The following ADGRL3 variants were observed in gnomAD, a reference collection of about 807,000 sequenced individuals.
The protein encoded by ADGRL3 is adhesion G protein-coupled receptor L3.
ADGRL3 carries 62 observed loss-of-function variants against 153.5 expected under a neutral mutation model. That is an observed-to-expected ratio of 0.40 (90% CI 0.33 to 0.50). The LOEUF (loss-of-function observed/expected upper bound fraction) is 0.50, where lower values mean the gene tolerates loss of function less well. Ranked by LOEUF, ADGRL3 falls within the 20% of genes least tolerant of loss-of-function variation. The pLI is 0.47. For synonymous variants in ADGRL3, 710 were observed against 672.5 expected, an observed-to-expected ratio of 1.06 and a Z score of -0.86; for missense variants, 1,641 against 1,859.4, an observed-to-expected ratio of 0.88 and a Z score of 2.16.
chr4:61,929,499 T>C (rs1473618390), intron 13 of ADGRL3, among the ~76,000 whole-genome samples: 1 of 152,218 alleles, frequency 6.6e-6, no homozygotes, highest in Non-Finnish European at 1.5e-5. Context: ...TTTGCTCTTA[T>C]ACTCATCAAA....
At chr4:61,517,227 C>T in intron 3 of ADGRL3, 88 bp from the exon 4 acceptor site, 1 of 661,418 alleles carries the variant, frequency 1.5e-6, no homozygotes, top group East Asian at 2.7e-5. Flanking sequence ...CGGCAGAGAG[C>T]AGCCTTGGGA....
chr4:61,834,599 G>A (rs1354099298), intron 9 of ADGRL3, among the ~76,000 whole-genome samples: 1 of 152,104 alleles, frequency 6.6e-6, no homozygotes, highest in Non-Finnish European at 1.5e-5. Flanking sequence ...CTATGACGAT[G>A]GGAAAAGGCC....
At chr4:61,726,216 TGAGA>T (rs2096340321) in intron 6 of ADGRL3, among the ~76,000 whole-genome samples, 1 of 148,940 alleles carries the variant, frequency 6.7e-6, no homozygotes, top group South Asian at 2.2e-4. Flanking sequence ...TTTTGTTTTT[TGAGA>T]AGGAGTCTCA....
chr4:61,807,044 C>T (rs1272542464), intron 8 of ADGRL3, among the ~76,000 whole-genome samples: 2 of 152,028 alleles, frequency 1.3e-5, no homozygotes, highest in Non-Finnish European at 2.9e-5. Context: ...TACTGTGAGT[C>T]ACACACATAC....
intron 5 of ADGRL3, among the ~76,000 whole-genome samples, chr4:61,618,363 T>C (rs780685695): frequency 1.3e-5 from 2 of 152,226 alleles, no homozygotes; most frequent in Non-Finnish European, 2.9e-5. Context: ...AGATTGGGCA[T>C]AAAGTTACTG....
chr4:61,268,954 A>G lies in ADGRL3; in HGVS notation c.-240+67189A>G, dbSNP rs1168046715. On this transcript the variant is annotated intron_variant, in intron 1 of 26. Transcript: ENST00000683033. ...CCTTTATACTTAGAGCTTTAAGAAG[A>G]GAATGGTAAGTGATACTATATCCAC... Among the ~76,000 whole-genome samples the G allele has an allele frequency of 5.3e-5, 8 of 151,710 alleles. No individual in the cohort carries two copies. In the East Asian group the frequency reaches 1.5e-3, roughly 29 times the overall value.
At chr4:61,767,976 A>T (rs2097020479) in intron 8 of ADGRL3, among the ~76,000 whole-genome samples, 1 of 151,978 alleles carries the variant, frequency 6.6e-6, no homozygotes, top group African/African-American at 2.4e-5. Flanking sequence ...TAATGTCGGG[A>T]GCAGATTGGG....
chr4:61,240,996 A>G (rs986713530), intron 1 of ADGRL3, among the ~76,000 whole-genome samples: 1 of 152,012 alleles, frequency 6.6e-6, no homozygotes, highest in Admixed American at 6.6e-5. Context: ...GTTTAATCTT[A>G]TGCATTAGTT....
At chr4:61,491,883 G>A (rs911426059) in intron 2 of ADGRL3, among the ~76,000 whole-genome samples, 1 of 152,000 alleles carries the variant, frequency 6.6e-6, no homozygotes, top group Admixed American at 6.6e-5. Context: ...AAACCAAAAT[G>A]GTTTTAAATT....
chr4:61,744,597 G>A (rs1402673804), intron 8 of ADGRL3, among the ~76,000 whole-genome samples: 1 of 152,204 alleles, frequency 6.6e-6, no homozygotes, highest in East Asian at 1.9e-4. Context: ...TGGTACCCAG[G>A]CAAACAGGGT....
At chr4:61,240,494 A>G (rs761951829) in intron 1 of ADGRL3, among the ~76,000 whole-genome samples, 21 of 152,116 alleles carry the variant, frequency 1.4e-4, no homozygotes, top group Non-Finnish European at 2.5e-4. Context: ...AGAAAACTTT[A>G]TTTTTCTTTC....
At chr4:61,397,875 A>G (rs776809583) in intron 2 of ADGRL3, among the ~76,000 whole-genome samples, 7 of 151,930 alleles carry the variant, frequency 4.6e-5, no homozygotes, top group Non-Finnish European at 8.8e-5. Flanking sequence ...TGGAATGTAT[A>G]GCTGTTGAAA....
At chr4:61,465,731 T>C (rs1010321032) in intron 2 of ADGRL3, among the ~76,000 whole-genome samples, 11 of 131,824 alleles carry the variant, frequency 8.3e-5, no homozygotes, top group African/African-American at 2.4e-4. Flanking sequence ...ATACTTGGAC[T>C]GACTCTGGAT....
intron 2 of ADGRL3, among the ~76,000 whole-genome samples, chr4:61,470,630 G>A (rs2097938318): frequency 6.6e-6 from 1 of 151,800 alleles, no homozygotes; most frequent in Non-Finnish European, 1.5e-5. Flanking sequence ...TTAAAAGGTA[G>A]TATTCCTCTT....
At position 61,998,196 on chromosome 4, in the gene ADGRL3, T is replaced by C; in HGVS notation, c.3326T>C (p.Ile1109Thr). ...CAGCTTAATGTAATCTTCCTTGGGA[T>C]TGCTTTATATAAAATGTTTCATCAT... ...IIMLNVIFLG[I>T]ALYKMFHHTA... Residue 1109 changes from isoleucine (I) to threonine (T), a missense_variant, in exon 21 of 27, where the codon ATT (isoleucine) becomes ACT (threonine). This residue lies in a region of ADGRL3 where 517 missense variants were observed against 555.0 expected (regional missense o/e 0.93). Coordinates refer to ENST00000683033, the MANE Select transcript of ADGRL3 (RefSeq NM_001387552.1). 2 of 1,580,684 alleles carry C rather than the reference T, an allele frequency of 1.3e-6. No homozygotes were observed. The highest frequency in any genetic ancestry group is 2.7e-5 in the African/African-American group (2 of 73,632).
chr4:62,070,164 TG>T lies in ADGRL3; in HGVS notation c.3890del (p.Gly1297ValfsTer15). ...TSVMDTLPLN[G>X]NHGNSYSIAS... ...GTGTCATGGATACTCTACCACTGAA[TG>T]GTAACCATGGCAATAGTTACAGCAT... On this transcript the variant is annotated frameshift_variant, in exon 27 of 27. Transcript: ENST00000683033. LOFTEE classifies it high-confidence loss of function. 1 of 1,614,050 alleles carries T rather than the reference TG, an allele frequency of 6.2e-7. No individual in the cohort carries two copies. Among genetic ancestry groups the T allele is most frequent in the Non-Finnish European group, 8.5e-7 (1 of 1,179,992 alleles).
chr4:61,619,630 T>A (rs2092352288), intron 5 of ADGRL3, among the ~76,000 whole-genome samples: 1 of 152,156 alleles, frequency 6.6e-6, no homozygotes, highest in Non-Finnish European at 1.5e-5. Flanking sequence ...TATTTTTGAT[T>A]CAGTTTTTCC....
At chr4:61,234,328 C>T (rs1560373998) in intron 1 of ADGRL3, among the ~76,000 whole-genome samples, 2 of 152,052 alleles carry the variant, frequency 1.3e-5, no homozygotes, top group Non-Finnish European at 2.9e-5. Flanking sequence ...CTGATAAACC[C>T]ATCCGGTCTC....
chr4:61,727,713 G>C (rs1337517621), intron 6 of ADGRL3, among the ~76,000 whole-genome samples: 1 of 152,098 alleles, frequency 6.6e-6, no homozygotes, highest in African/African-American at 2.4e-5. Context: ...TAATGGGTTA[G>C]AGATACAAAT....
Sources: allele counts gnomAD v4.1 joint callset (sites outside exome capture counted in the v4.1 genomes callset), GRCh38; gene constraint gnomAD v4.1.1; regional missense constraint gnomAD v4.1.1; transcripts MANE v1.5; gene names NCBI Gene and HGNC (gene_info 2026-07-23, HGNC 2026-07-21).